Variants in MAPK4 observed in about 807,000 individuals in gnomAD.
MAPK4 encodes the protein mitogen-activated protein kinase 4, also known as Erk3-related.
A neutral mutation model predicts 47.7 loss-of-function variants in MAPK4; 22 were observed. The ratio of observed to expected loss-of-function variants is 0.46; its 90% confidence interval spans 0.33 to 0.66. The LOEUF is 0.66. Ranked by LOEUF, MAPK4 falls within the 30% of genes least tolerant of loss-of-function variation. The pLI is 0.02. For synonymous variants in MAPK4, 390 were observed against 365.7 expected, an observed-to-expected ratio of 1.07 and a Z score of -0.76; for missense variants, 736 against 831.7, an observed-to-expected ratio of 0.88 and a Z score of 1.42.
rs148424570 is a variant in MAPK4, at chr18:50,710,281, G to A, written c.547-4798G>A. 5.1e-3 allele frequency among the ~76,000 whole-genome samples: 783 copies of A among 152,206 alleles called. 1 individual carries two copies. The highest frequency in any genetic ancestry group is 7.1e-3 in the Non-Finnish European group (481 of 68,012). ...GAGGATTGCTTGAGCTCAGGAGTTC[G>A]AAACCAGCCTGGGCAACGTGGCAAA... On this transcript the variant is annotated intron_variant, in intron 2 of 5. Transcript: ENST00000400384.
At chr18:50,590,131 A>G (rs1404683965) in intron 1 of MAPK4, among the ~76,000 whole-genome samples, 1 of 152,222 alleles carries the variant, frequency 6.6e-6, no homozygotes, top group African/African-American at 2.4e-5. Context: ...CACATTTTTC[A>G]GCCTATAATA....
chr18:50,729,323 G>A lies in MAPK4; in HGVS notation c.1233G>A (p.Gln411=). 1 of 1,598,724 alleles carries A rather than the reference G, an allele frequency of 6.3e-7. No homozygotes were observed. The highest frequency in any genetic ancestry group is 8.5e-7 in the Non-Finnish European group (1 of 1,172,222). The part of the protein sequence containing the change: ...SHSSSERFLE[Q]SHSSMERAFE... ...GCAGCTCCGAGCGCTTCCTAGAGCA[G>A]TCGCACTCGTCCATGGAGCGCGCCT... is the stretch of plus-strand genomic sequence containing the variant. The change falls in exon 6 of 6, where the codon CAG becomes CAA. Residue 411 remains glutamine (Q), a synonymous_variant. Coordinates refer to ENST00000400384, the MANE Select transcript of MAPK4 (RefSeq NM_002747.4).
intron 1 of MAPK4, among the ~76,000 whole-genome samples, chr18:50,658,735 TG>T (rs754288479): frequency 4.6e-5 from 7 of 152,198 alleles, no homozygotes; most frequent in Non-Finnish European, 8.8e-5. Flanking sequence ...GCATCAAATT[TG>T]CATATGAGCT....
chr18:50,567,623 GT>G (rs1271230788), intron 1 of MAPK4, among the ~76,000 whole-genome samples: 2 of 152,040 alleles, frequency 1.3e-5, no homozygotes, highest in African/African-American at 4.8e-5. Context: ...TAACATACTT[GT>G]TTTGTAATTA....
Position 50,729,596 on chromosome 18 carries a change from C to T in MAPK4, c.1506C>T (p.Gly502=), listed in dbSNP as rs1441618243. 2.2e-6 allele frequency: 3 copies of T among 1,365,684 alleles called. No individual in the cohort carries two copies. Among genetic ancestry groups the T allele is most frequent in the Non-Finnish European group, 1.9e-6 (2 of 1,061,240 alleles). The allele number at this position is 1,365,684 out of a possible 1,614,324, so 84.6% of individuals were successfully genotyped here. A position where few individuals can be genotyped will look rare whatever the true frequency, so the allele number is the denominator to read the frequency against. Residue 502 remains glycine, a synonymous_variant, in exon 6 of 6, where the codon GGC becomes GGT. Transcript: ENST00000400384. ...EIAQWVKSTQ[G]GPEHASPPAD... ...CGCAGTGGGTCAAGAGCACGCAGGG[C>T]GGCCCAGAGCACGCCAGCCCGCCCG...
intron 2 of MAPK4, among the ~76,000 whole-genome samples, chr18:50,711,061 T>C (rs1291329904): frequency 2.0e-5 from 3 of 152,164 alleles, no homozygotes; most frequent in Non-Finnish European, 4.4e-5. Context: ...GTGACTTTGA[T>C]CCAGGCTGTT....
intron 1 of MAPK4, among the ~76,000 whole-genome samples, chr18:50,625,368 C>T (rs377699277): frequency 6.6e-6 from 1 of 152,198 alleles, no homozygotes; most frequent in Non-Finnish European, 1.5e-5. Context: ...TCCTTCCTCA[C>T]TTTATCCTTG....
At chr18:50,661,812 T>C (rs1283751436) in intron 1 of MAPK4, among the ~76,000 whole-genome samples, 1 of 152,202 alleles carries the variant, frequency 6.6e-6, no homozygotes, top group African/African-American at 2.4e-5. Context: ...CTGGACCCAG[T>C]AAAAACATGC....
At chr18:50,591,875 T>A (rs1171545135) in intron 1 of MAPK4, among the ~76,000 whole-genome samples, 1 of 152,102 alleles carries the variant, frequency 6.6e-6, no homozygotes, top group Non-Finnish European at 1.5e-5. Context: ...GAAATTTGAT[T>A]CTAGGGCCCG....
intron 1 of MAPK4, among the ~76,000 whole-genome samples, chr18:50,654,733 C>T (rs2043088664): frequency 6.6e-6 from 1 of 152,218 alleles, no homozygotes. Context: ...GCAGCTGGTG[C>T]TATGCCCGTG....
chr18:50,571,489 A>G (rs1230112703), intron 1 of MAPK4, among the ~76,000 whole-genome samples: 1 of 152,230 alleles, frequency 6.6e-6, no homozygotes, highest in Non-Finnish European at 1.5e-5. Context: ...TACCAGCCAT[A>G]AGAATTTATG....
At chr18:50,579,817 G>T (rs937485708) in intron 1 of MAPK4, among the ~76,000 whole-genome samples, 3 of 152,188 alleles carry the variant, frequency 2.0e-5, no homozygotes, top group African/African-American at 7.2e-5. Context: ...TGTGCATGAA[G>T]AAAATGGAGA....
intron 2 of MAPK4, among the ~76,000 whole-genome samples, chr18:50,693,157 G>A (rs1423691845): frequency 2.6e-5 from 4 of 152,080 alleles, no homozygotes; most frequent in African/African-American, 9.7e-5. Context: ...TACTCAGGAG[G>A]CTGAGGCAAG....
At chr18:50,658,082 G>A (rs767934556) in intron 1 of MAPK4, among the ~76,000 whole-genome samples, 1 of 152,076 alleles carries the variant, frequency 6.6e-6, no homozygotes, top group Non-Finnish European at 1.5e-5. Flanking sequence ...CATGATGGAA[G>A]GTGGGGGTGT....
rs139764798 is a variant in MAPK4, at chr18:50,664,966, C to T, written c.546+462C>T. On this transcript the variant is annotated intron_variant, in intron 2 of 5. Coordinates refer to ENST00000400384, the MANE Select transcript of MAPK4 (RefSeq NM_002747.4). This position sits in a 1 kb window ranked among gnomAD's most constrained non-coding sequence, Gnocchi z 6.0. Reference sequence around the variant, plus strand: ...CTCATCCCATCCAAGCTGACCCATTCGGTGTCCATTTCTCTCAGTCAGTGG... The same window carrying T: ...CTCATCCCATCCAAGCTGACCCATTTGGTGTCCATTTCTCTCAGTCAGTGG... 2.4e-4 allele frequency among the ~76,000 whole-genome samples: 37 copies of T among 152,268 alleles called. No homozygotes were observed. Among genetic ancestry groups the T allele is most frequent in the African/African-American group, 5.5e-4 (23 of 41,558 alleles).
intron 2 of MAPK4, among the ~76,000 whole-genome samples, chr18:50,690,171 C>T (rs1303086436): frequency 5.3e-5 from 8 of 152,224 alleles, no homozygotes; most frequent in Non-Finnish European, 1.2e-4. Flanking sequence ...CTCAGCAAGT[C>T]ATTGAAGTGA....
At position 50,699,108 on chromosome 18, in the gene MAPK4, A is replaced by G. The variant is rs575599228; in HGVS notation, c.547-15971A>G. On this transcript the variant is annotated intron_variant, in intron 2 of 5. Coordinates refer to ENST00000400384, the MANE Select transcript of MAPK4 (RefSeq NM_002747.4). ...AAATGCAAAGTTGGTTTAACATTAGAAAAATCTATTCTTTTGACTTACCAG... is the reference window on the plus strand; with the variant it reads ...AAATGCAAAGTTGGTTTAACATTAGGAAAATCTATTCTTTTGACTTACCAG... Among the ~76,000 whole-genome samples, 200 of 152,326 alleles carry G rather than the reference A, an allele frequency of 1.3e-3. 1 individual carries two copies. Among genetic ancestry groups the G allele is most frequent in the African/African-American group, 4.4e-3 (182 of 41,574 alleles).
intron 1 of MAPK4, among the ~76,000 whole-genome samples, chr18:50,654,586 C>A (rs7235791): frequency 1.7e-4 from 26 of 152,260 alleles, no homozygotes; most frequent in African/African-American, 6.3e-4. Flanking sequence ...GAGAAGTTTC[C>A]CCTTGAATCT....
At chr18:50,726,944 G>A (rs1259685216) in intron 5 of MAPK4, among the ~76,000 whole-genome samples, 1 of 152,108 alleles carries the variant, frequency 6.6e-6, no homozygotes, top group East Asian at 1.9e-4. Context: ...TAAGAGACTG[G>A]CATCATGTCA....
Sources: gnomAD v4.1 joint callset for allele counts (sites outside exome capture counted in the v4.1 genomes callset) on GRCh38, gnomAD v4.1.1 for gene constraint, Gnocchi (gnomAD v3.1) non-coding constraint, MANE v1.5 for transcripts, NCBI Gene and HGNC (gene_info 2026-07-23, HGNC 2026-07-21) for gene names.